The following C21orf91 variants were observed in gnomAD, a reference collection of about 807,000 sequenced individuals.
C21orf91 encodes the protein chromosome 21 open reading frame 91.
C21orf91 carries 26 observed loss-of-function variants against 32.9 expected under a neutral mutation model. The ratio of observed to expected loss-of-function variants is 0.79; its 90% confidence interval spans 0.58 to 1.10. C21orf91 has a LOEUF of 1.10. Ranked by LOEUF, C21orf91 falls within the 50% of genes least tolerant of loss-of-function variation. C21orf91 has a pLI of 0.00. For synonymous variants in C21orf91, 126 were observed against 120.4 expected (o/e 1.05, Z -0.31); for missense variants, 310 against 341.3 (o/e 0.91, Z 0.72).
chr21:17,812,771 T>A (rs1225352733), intron 2 of C21orf91, among the ~76,000 whole-genome samples: 1 of 151,822 alleles, frequency 6.6e-6, no homozygotes, highest in Non-Finnish European at 1.5e-5. Flanking sequence ...ACTGCACCAC[T>A]GTACTCCAGC....
intron 2 of C21orf91, among the ~76,000 whole-genome samples, chr21:17,798,715 A>C (rs1600877584): frequency 6.6e-6 from 1 of 152,218 alleles, no homozygotes; most frequent in East Asian, 1.9e-4. Context: ...TTGATAATAG[A>C]GTATACATCT....
Position 17,791,088 on chromosome 21 carries a change from A to G in C21orf91, c.*2327T>C, listed in dbSNP as rs1171295668. 2 of 152,148 alleles carry G rather than the reference A, an allele frequency of 1.3e-5. No homozygotes were observed. Among genetic ancestry groups the G allele is most frequent in the African/African-American group, 4.8e-5 (2 of 41,468 alleles). The allele number at this position is 152,148 out of a possible 1,614,324, so 9.4% of individuals were successfully genotyped here. ...TTCTCTTGTTAGAACTCAACTCTGT[A>G]CCTGATACTTATATTTGCATACACA... On this transcript the variant is annotated 3_prime_UTR_variant, in exon 5 of 5. Transcript: ENST00000284881.
intron 2 of C21orf91, among the ~76,000 whole-genome samples, chr21:17,809,404 AT>A (rs749536288): frequency 6.6e-6 from 1 of 152,228 alleles, no homozygotes; most frequent in Non-Finnish European, 1.5e-5. Flanking sequence ...ATGAAGGAGT[AT>A]TCCATGTTAA....
At position 17,791,118 on chromosome 21, in the gene C21orf91, T is replaced by C. The variant is rs138831786; in HGVS notation, c.*2297A>G. 3.9e-5 allele frequency: 6 copies of C among 152,272 alleles called. No individual in the cohort carries two copies. The East Asian group carries it at 1.2e-3, about 29-fold the overall frequency. 9.4% of individuals were successfully genotyped at this position (152,272 alleles called of 1,614,324 possible). On this transcript the variant is annotated 3_prime_UTR_variant, in exon 5 of 5. Coordinates refer to ENST00000284881, the MANE Select transcript of C21orf91 (RefSeq NM_001100420.2). ...ATACTTATATTTGCATACACAGTAATTGCATATTTGATTAAGAAAACTAAC... is the reference window on the plus strand; with the variant it reads ...ATACTTATATTTGCATACACAGTAACTGCATATTTGATTAAGAAAACTAAC...
In C21orf91 at chr21:17,792,101, A is replaced by C. The variant is rs144521489; in HGVS notation, c.*1314T>G. ...ATACTTTCAAGCAAGGATCTACCTCATAAGTACATTCTAAACATGAGTTAA... is the reference window on the plus strand; with the variant it reads ...ATACTTTCAAGCAAGGATCTACCTCCTAAGTACATTCTAAACATGAGTTAA... On this transcript the variant is annotated 3_prime_UTR_variant, in exon 5 of 5. Transcript: ENST00000284881. 2 of 152,150 alleles carry C rather than the reference A, an allele frequency of 1.3e-5. No individual in the cohort carries two copies. The highest frequency in any genetic ancestry group is 2.1e-4 in the South Asian group (1 of 4,834). 9.4% of individuals were successfully genotyped at this position (152,150 alleles called of 1,614,324 possible). A position where few individuals can be genotyped will look rare whatever the true frequency, so the allele number is the denominator to read the frequency against.
intron 2 of C21orf91, among the ~76,000 whole-genome samples, chr21:17,805,526 C>G (rs989040486): frequency 3.3e-5 from 5 of 152,150 alleles, no homozygotes; most frequent in Admixed American, 1.3e-4. Flanking sequence ...GTTGGCCAGG[C>G]TGGTCTCAAA....
chr21:17,812,535 C>G (rs894784838), intron 2 of C21orf91, among the ~76,000 whole-genome samples: 1 of 152,146 alleles, frequency 6.6e-6, no homozygotes, highest in South Asian at 2.1e-4. Flanking sequence ...GTTGGCCGGG[C>G]GCGGTGGCTC....
chr21:17,813,569 T>C (rs2062646691), intron 2 of C21orf91, among the ~76,000 whole-genome samples: 1 of 152,238 alleles, frequency 6.6e-6, no homozygotes, highest in South Asian at 2.1e-4. Flanking sequence ...ACATACTTAC[T>C]CATCAACTAG....
chr21:17,793,408 G>A lies in C21orf91; in HGVS notation c.*7C>T. 6.3e-7 allele frequency: 1 copy of A among 1,592,866 alleles called. No individual in the cohort carries two copies. Among genetic ancestry groups the A allele is most frequent in the Non-Finnish European group, 8.6e-7 (1 of 1,165,600 alleles). On this transcript the variant is annotated 3_prime_UTR_variant, in exon 5 of 5. Coordinates refer to ENST00000284881, the MANE Select transcript of C21orf91 (RefSeq NM_001100420.2). Reference sequence around the variant, plus strand: ...AGGGCAGGGCATACGAAGTAAGTCTGTTTAGGTCAGTTGTTTATGGGTAGG... The same window carrying A: ...AGGGCAGGGCATACGAAGTAAGTCTATTTAGGTCAGTTGTTTATGGGTAGG...
intron 2 of C21orf91, among the ~76,000 whole-genome samples, chr21:17,797,565 CTTAAA>C (rs1421925953): frequency 1.0e-4 from 15 of 149,066 alleles, no homozygotes; most frequent in African/African-American, 3.7e-4. Context: ...AAATCATGTT[CTTAAA>C]TTATGTTTAT....
intron 3 of C21orf91, 85 bp from the exon 4 acceptor site, chr21:17,795,355 A>T: frequency 4.5e-6 from 4 of 893,976 alleles, no homozygotes; most frequent in Non-Finnish European, 7.4e-6. Flanking sequence ...TCCTATTTTT[A>T]AAAATCAGCA....
intron 2 of C21orf91, among the ~76,000 whole-genome samples, chr21:17,812,410 G>C (rs1386580152): frequency 1.3e-5 from 2 of 152,188 alleles, no homozygotes; most frequent in African/African-American, 2.4e-5. Flanking sequence ...ACAGTGTTGG[G>C]AGGTGGGGTC....
At chr21:17,808,982 T>C (rs959071016) in intron 2 of C21orf91, 2 of 152,336 alleles carry the variant, frequency 1.3e-5, no homozygotes, top group African/African-American at 4.8e-5. Context: ...TAAAAGTATG[T>C]AGCACCTTCT....
intron 2 of C21orf91, among the ~76,000 whole-genome samples, chr21:17,807,510 G>A (rs192223364): frequency 2.0e-4 from 31 of 152,342 alleles, no homozygotes; most frequent in African/African-American, 6.7e-4. Context: ...ATGTGGAAGC[G>A]ACTTTGTAAC....
intron 2 of C21orf91, among the ~76,000 whole-genome samples, chr21:17,799,899 T>G (rs543552991): frequency 6.6e-6 from 1 of 152,174 alleles, no homozygotes; most frequent in South Asian, 2.1e-4. Context: ...TCACTCAAGG[T>G]CCCTTGCAAG....
At chr21:17,814,527 C>T (rs549193515) in intron 2 of C21orf91, among the ~76,000 whole-genome samples, 1 of 152,118 alleles carries the variant, frequency 6.6e-6, no homozygotes, top group Admixed American at 6.5e-5. Flanking sequence ...CTCACAATTC[C>T]GCAGGCTGTA....
At chr21:17,800,709 T>C (rs1482461082) in intron 2 of C21orf91, among the ~76,000 whole-genome samples, 1 of 152,238 alleles carries the variant, frequency 6.6e-6, no homozygotes. Flanking sequence ...AAGATTGTAC[T>C]ACAACTTGCT....
intron 2 of C21orf91, among the ~76,000 whole-genome samples, chr21:17,798,708 A>C (rs549973199): frequency 2.0e-4 from 30 of 152,356 alleles, no homozygotes; most frequent in African/African-American, 7.2e-4. Flanking sequence ...GCTTTATTTG[A>C]TAATAGAGTA....
intron 2 of C21orf91, among the ~76,000 whole-genome samples, chr21:17,804,649 CT>C (rs1319806919): frequency 6.6e-6 from 1 of 152,116 alleles, no homozygotes; most frequent in Non-Finnish European, 1.5e-5. Flanking sequence ...AACAGGTGGC[CT>C]TTAGATGGCA....
Sources: allele counts gnomAD v4.1 joint callset (sites outside exome capture counted in the v4.1 genomes callset), GRCh38; gene constraint gnomAD v4.1.1; transcripts MANE v1.5; gene names NCBI Gene and HGNC (gene_info 2026-07-23, HGNC 2026-07-21).